The following DNAH5 variants were observed in gnomAD, a reference collection of about 807,000 sequenced individuals.
DNAH5 encodes dynein axonemal heavy chain 5.
Under a neutral mutation model 518.2 loss-of-function variants are expected in DNAH5, and 372 were observed. The ratio of observed to expected loss-of-function variants is 0.72; its 90% CI spans 0.66 to 0.78. The LOEUF is 0.78. Ranked by LOEUF, DNAH5 falls within the 30% of genes least tolerant of loss-of-function variation. The pLI, the probability that DNAH5 is intolerant of heterozygous loss-of-function variation, is 0.00. For missense variants in DNAH5, 5,523 were observed against 5,687.0 expected (o/e 0.97, Z 0.93); for synonymous variants, 2,039 against 2,025.9 (o/e 1.01, Z -0.17).
At position 13,824,324 on chromosome 5, in the gene DNAH5, C is replaced by T. The variant is rs886059975; in HGVS notation, c.6454G>A (p.Asp2152Asn). 1 of 1,614,032 alleles carries T rather than the reference C, an allele frequency of 6.2e-7. No homozygotes were observed. The highest frequency in any genetic ancestry group is 8.5e-7 in the Non-Finnish European group (1 of 1,179,978). Residue 2152 changes from aspartate to asparagine, a missense_variant, in exon 39 of 79, where the codon GAC becomes AAC. Coordinates refer to ENST00000265104, the MANE Select transcript of DNAH5 (RefSeq NM_001369.3). ...GACAGAATGTTACGCAGGCCAAAGT[C>T]ATAATGAACCTAGAGAATGTGAGAT... is the stretch of plus-strand genomic sequence containing the variant. ...EEQLSKQVHY[D>N]FGLRNILSVL...
Position 13,735,058 on chromosome 5 carries a change from T to G in DNAH5, c.11761+73A>C. On this transcript the variant is annotated intron_variant, in intron 68 of 78. Coordinates refer to ENST00000265104, the MANE Select transcript of DNAH5 (RefSeq NM_001369.3). Reference sequence around the variant, plus strand: ...CAAGGCAATTGTTATAACCAAAAAATGTACTGCAAAGGGCTTTCACAATAA... The same window carrying G: ...CAAGGCAATTGTTATAACCAAAAAAGGTACTGCAAAGGGCTTTCACAATAA... 6 of 1,417,034 alleles carry G rather than the reference T, an allele frequency of 4.2e-6. 1 individual carries two copies. The highest frequency in any genetic ancestry group is 6.0e-6 in the Non-Finnish European group (6 of 1,006,626). 87.8% of individuals were successfully genotyped at this position (1,417,034 alleles called of 1,614,324 possible).
At chr5:13,764,095 G>A (rs1169122258) in intron 59 of DNAH5, among the ~76,000 whole-genome samples, 1 of 152,214 alleles carries the variant, frequency 6.6e-6, no homozygotes, top group Non-Finnish European at 1.5e-5. Flanking sequence ...CACAACTTGG[G>A]AAATAGAGGT....
At chr5:13,955,742 G>A (rs1780722533) in intron 1 of DNAH5, among the ~76,000 whole-genome samples, 1 of 152,018 alleles carries the variant, frequency 6.6e-6, no homozygotes, top group Admixed American at 6.5e-5. Context: ...TAATAAAATG[G>A]AAAACATTTT....
chr5:13,731,661 GA>G (rs894407880), intron 68 of DNAH5, among the ~76,000 whole-genome samples: 2 of 150,478 alleles, frequency 1.3e-5, no homozygotes, highest in South Asian at 2.1e-4. Context: ...TCTTGCTTTG[GA>G]AAAAAAAAGT....
At chr5:13,846,638 G>C (rs930650576) in intron 31 of DNAH5, among the ~76,000 whole-genome samples, 2 of 152,108 alleles carry the variant, frequency 1.3e-5, no homozygotes, top group African/African-American at 4.8e-5. Context: ...CAAAGAGAGG[G>C]TCATGCTAAG....
chr5:13,852,801 A>G (rs1271941440), intron 30 of DNAH5, among the ~76,000 whole-genome samples: 1 of 152,204 alleles, frequency 6.6e-6, no homozygotes, highest in Non-Finnish European at 1.5e-5. Context: ...AAGCTGCTGT[A>G]GCCAGACTGC....
Position 13,817,669 on chromosome 5 carries a change from C to T in DNAH5, c.6867G>A (p.Met2289Ile), listed in dbSNP as rs1349926561. 8 of 1,614,190 alleles carry T rather than the reference C, an allele frequency of 5.0e-6. No homozygotes were observed. The East Asian group carries it at 1.3e-4, about 27-fold the overall frequency. ...MTDCGKPHREMRMNPKAITAP... is the reference protein window; with the variant it reads ...MTDCGKPHREIRMNPKAITAP... ...CAGTAATCGCTTTGGGATTCATCCT[C>T]ATTTCCCGATGTGGTTTTCCACAAT... The change falls in exon 42 of 79, where the codon ATG (methionine) becomes ATA (isoleucine). Residue 2289 changes from methionine to isoleucine, a missense_variant. Around this residue, in one of 3 missense-constraint regions of DNAH5, gnomAD observed 5,121 missense variants for 5,223.3 expected, o/e 0.98. Coordinates refer to ENST00000265104, the MANE Select transcript of DNAH5 (RefSeq NM_001369.3).
At position 13,913,990 on chromosome 5, in the gene DNAH5, G is replaced by C. The variant is rs939275820; in HGVS notation, c.1321-32C>G. 5.0e-6 allele frequency: 8 copies of C among 1,605,834 alleles called. No individual in the cohort carries two copies. In the South Asian group the frequency reaches 8.9e-5, roughly 18 times the overall value. ...ATCAAAAGAAAAATATACAACAAAG[G>C]GAACAAGAAAGGTATCAACTTTATT... On this transcript the variant is annotated intron_variant, in intron 10 of 78. Coordinates refer to ENST00000265104, the MANE Select transcript of DNAH5 (RefSeq NM_001369.3).
chr5:13,995,496 A>G (rs2102443), intron 1 of DNAH5, among the ~76,000 whole-genome samples: 110,172 of 151,992 alleles, frequency 0.72, 40,296 homozygotes, highest in East Asian at 0.96. Context: ...TGCAAACTGA[A>G]GGGTCCATAT....
At chr5:13,915,049 A>G (rs562563465) in intron 9 of DNAH5, among the ~76,000 whole-genome samples, 1 of 152,156 alleles carries the variant, frequency 6.6e-6, no homozygotes, top group Admixed American at 6.5e-5. Context: ...GACCATGATC[A>G]GCAATGGAAA....
intron 47 of DNAH5, among the ~76,000 whole-genome samples, chr5:13,795,210 C>G (rs1332478870): frequency 1.3e-5 from 2 of 152,012 alleles, no homozygotes; most frequent in Admixed American, 6.6e-5. Flanking sequence ...CAGAGCACAA[C>G]TGAAAGAGAC....
At chr5:13,735,410 C>A (rs1280828179) in intron 67 of DNAH5, 89 bp from the exon 68 acceptor site, 2 of 1,274,842 alleles carry the variant, frequency 1.6e-6, no homozygotes, top group Non-Finnish European at 2.2e-6. Flanking sequence ...AAATAAGTAA[C>A]TTTGGAGGAA....
At chr5:13,756,879 C>T (rs1751064311) in intron 61 of DNAH5, among the ~76,000 whole-genome samples, 1 of 152,146 alleles carries the variant, frequency 6.6e-6, no homozygotes, top group African/African-American at 2.4e-5. Context: ...CCAGTAGGCC[C>T]CAGTGTGTGT....
intron 1 of DNAH5, among the ~76,000 whole-genome samples, chr5:13,959,606 T>C (rs936122892): frequency 2.0e-5 from 3 of 152,208 alleles, no homozygotes; most frequent in African/African-American, 7.2e-5. Flanking sequence ...GAGGTGGTTT[T>C]ACCCCCGTGG....
chr5:13,737,047 G>A (rs1419430602), intron 66 of DNAH5, among the ~76,000 whole-genome samples: 2 of 152,068 alleles, frequency 1.3e-5, no homozygotes, highest in African/African-American at 4.8e-5. Context: ...CAACTAACAT[G>A]AATGACAAGT....
At chr5:13,889,871 T>C (rs116268750) in intron 17 of DNAH5, among the ~76,000 whole-genome samples, 2,071 of 152,256 alleles carry the variant, frequency 0.014, 48 homozygotes, top group African/African-American at 0.046. Flanking sequence ...GCAGTGCAAC[T>C]ACGTGCTGAG....
chr5:13,996,781 C>T (rs1783993392), intron 1 of DNAH5, among the ~76,000 whole-genome samples: 1 of 152,240 alleles, frequency 6.6e-6, no homozygotes, highest in Admixed American at 6.5e-5. Flanking sequence ...GTGCCTGCAG[C>T]CCTCTTAGGC....
chr5:13,883,873 T>C (rs1348774891), intron 19 of DNAH5, among the ~76,000 whole-genome samples: 3 of 152,172 alleles, frequency 2.0e-5, no homozygotes, highest in African/African-American at 7.2e-5. Flanking sequence ...AAAAAATCTT[T>C]CAGAGTTTCC....
intron 58 of DNAH5, 149 bp downstream of exon 58, chr5:13,768,811 C>T: frequency 1.1e-6 from 1 of 915,334 alleles, no homozygotes; most frequent in Non-Finnish European, 1.7e-6. Context: ...CTAATAAAGT[C>T]TCAAGCAGAA....
Sources: allele counts gnomAD v4.1 joint callset (sites outside exome capture counted in the v4.1 genomes callset), GRCh38; gene constraint gnomAD v4.1.1; regional missense constraint gnomAD v4.1.1; transcripts MANE v1.5; gene names NCBI Gene and HGNC (gene_info 2026-07-23, HGNC 2026-07-21).